PARD3B: variants seen among roughly 807,000 people sequenced by gnomAD.
The protein encoded by PARD3B is par-3 family cell polarity regulator beta, also known as partitioning defective 3 homolog B.
In PARD3B, 103 loss-of-function variants were observed where a neutral mutation model predicts 130.2. The ratio of observed to expected loss-of-function variants is 0.79; its 90% CI spans 0.67 to 0.93. The LOEUF (loss-of-function observed/expected upper bound fraction) is 0.93, where lower values mean the gene tolerates loss of function less well. Among genes scored for constraint, PARD3B ranks in the 40% least tolerant of loss-of-function variants. PARD3B has a pLI of 0.00. For missense variants in PARD3B, 1,609 were observed against 1,499.2 expected (o/e 1.07, Z -1.21); for synonymous variants, 583 against 553.2 (o/e 1.05, Z -0.76).
intron 2 of PARD3B, among the ~76,000 whole-genome samples, chr2:204,946,218 G>T (rs1024311496): frequency 3.9e-5 from 6 of 152,182 alleles, no homozygotes; most frequent in African/African-American, 1.2e-4. Flanking sequence ...TGTATGCTCA[G>T]TTCTTAACAC....
chr2:205,467,432 T>C (rs1413616456), intron 20 of PARD3B, among the ~76,000 whole-genome samples: 2 of 152,250 alleles, frequency 1.3e-5, no homozygotes, highest in Non-Finnish European at 2.9e-5. Flanking sequence ...AGAGCAACTC[T>C]ATCCAATAGA....
chr2:205,017,823 G>A (rs773607420), intron 3 of PARD3B, among the ~76,000 whole-genome samples: 2 of 152,180 alleles, frequency 1.3e-5, no homozygotes, highest in African/African-American at 2.4e-5. Context: ...AGAAAGATAG[G>A]ACCATTGACA....
chr2:204,868,569 G>A (rs72940410), intron 2 of PARD3B, among the ~76,000 whole-genome samples: 22,588 of 152,016 alleles, frequency 0.15, 1,868 homozygotes, highest in South Asian at 0.32. Context: ...GAGGAAGACC[G>A]TGAAACCCGG....
intron 1 of PARD3B, among the ~76,000 whole-genome samples, chr2:204,590,129 G>C (rs1009295810): frequency 2.6e-5 from 4 of 152,136 alleles, no homozygotes; most frequent in South Asian, 4.1e-4. Flanking sequence ...AGATCAAGGT[G>C]GGGGCAGACC....
intron 1 of PARD3B, among the ~76,000 whole-genome samples, chr2:204,602,433 A>G (rs569733488): frequency 6.6e-6 from 1 of 152,042 alleles, no homozygotes; most frequent in South Asian, 2.1e-4. Flanking sequence ...TTTAAAAAAA[A>G]TAAAAACAGT....
intron 18 of PARD3B, among the ~76,000 whole-genome samples, chr2:205,332,255 G>A (rs950270399): frequency 1.3e-5 from 2 of 152,210 alleles, no homozygotes; most frequent in African/African-American, 4.8e-5. Flanking sequence ...ATAGAGAGGT[G>A]TATATGTTGT....
At chr2:204,631,766 C>G (rs1342984719) in intron 1 of PARD3B, among the ~76,000 whole-genome samples, 1 of 152,102 alleles carries the variant, frequency 6.6e-6, no homozygotes, top group African/African-American at 2.4e-5. Flanking sequence ...ATATTTAATG[C>G]TTCCTTCAGG....
intron 2 of PARD3B, among the ~76,000 whole-genome samples, chr2:204,701,025 T>C (rs1391387180): frequency 6.6e-6 from 1 of 152,142 alleles, no homozygotes; most frequent in Non-Finnish European, 1.5e-5. Context: ...ATTTCTTTTG[T>C]ATATGTATTG....
intron 18 of PARD3B, among the ~76,000 whole-genome samples, chr2:205,311,945 C>T (rs1211183766): frequency 6.6e-6 from 1 of 152,108 alleles, no homozygotes; most frequent in Admixed American, 6.5e-5. Context: ...ATGCGTGGCT[C>T]ATAGTTATTT....
At chr2:205,549,025 C>A (rs556927435) in intron 21 of PARD3B, among the ~76,000 whole-genome samples, 7 of 152,122 alleles carry the variant, frequency 4.6e-5, no homozygotes, top group Non-Finnish European at 8.8e-5. Flanking sequence ...AAAAGATGTT[C>A]TACATCACAT....
chr2:204,787,228 A>C (rs1038783164), intron 2 of PARD3B, among the ~76,000 whole-genome samples: 2 of 136,730 alleles, frequency 1.5e-5, no homozygotes, highest in Non-Finnish European at 3.2e-5. Context: ...TTGCTGCCCC[A>C]GGGCTACCTT....
chr2:205,001,209 G>A (rs1029663962), intron 3 of PARD3B, among the ~76,000 whole-genome samples: 1 of 152,030 alleles, frequency 6.6e-6, no homozygotes, highest in Non-Finnish European at 1.5e-5. Context: ...GGCTGGTCTC[G>A]AACTCCTGAC....
At chr2:204,931,366 C>A (rs942951356) in intron 2 of PARD3B, among the ~76,000 whole-genome samples, 2 of 152,012 alleles carry the variant, frequency 1.3e-5, no homozygotes, top group Non-Finnish European at 2.9e-5. Context: ...TAGTGCCTGG[C>A]ATATGAAAAG....
rs370996124 is a variant in PARD3B at position 204,842,528 on chromosome 2, A to G, written c.223-122624A>G. Among the ~76,000 whole-genome samples, 38 of 152,258 alleles carry G rather than the reference A, an allele frequency of 2.5e-4. 1 individual carries two copies. Among genetic ancestry groups the G allele is most frequent in the African/African-American group, 8.9e-4 (37 of 41,532 alleles). ...TAAGAGGATCTGTGCCAGAAAAAGA[A>G]TGGAGAGGGAGATTCTCTCTAATAA... On this transcript the variant is annotated intron_variant, in intron 2 of 22. Transcript: ENST00000406610.
intron 10 of PARD3B, among the ~76,000 whole-genome samples, chr2:205,126,678 G>A (rs1403786690): frequency 8.1e-5 from 12 of 147,580 alleles, no homozygotes; most frequent in African/African-American, 2.8e-4. Flanking sequence ...CCCGGGAAGC[G>A]GAGCTTGCAG....
At chr2:205,602,229 C>A (rs1341036080) in intron 22 of PARD3B, among the ~76,000 whole-genome samples, 1 of 152,114 alleles carries the variant, frequency 6.6e-6, no homozygotes, top group Non-Finnish European at 1.5e-5. Flanking sequence ...ATAAAGCTGA[C>A]TTGATTGTGG....
chr2:205,230,260 C>G lies in PARD3B; in HGVS notation c.2141-15518C>G, dbSNP rs531318368. On this transcript the variant is annotated intron_variant, in intron 15 of 22. Transcript: ENST00000406610. This position sits in a 1 kb window ranked among gnomAD's most constrained non-coding sequence, Gnocchi z 4.1. ...TGGGCCATACCATAAGTTAGCATGT[C>G]TCTGAGTCTCACCCAAGACCCATGG... Among the ~76,000 whole-genome samples, 6 of 152,262 alleles carry G rather than the reference C, an allele frequency of 3.9e-5. No individual in the cohort carries two copies. Among genetic ancestry groups the G allele is most frequent in the African/African-American group, 1.4e-4 (6 of 41,548 alleles).
chr2:205,464,872 G>GACA (rs2048568366), intron 20 of PARD3B, among the ~76,000 whole-genome samples: 1 of 152,022 alleles, frequency 6.6e-6, no homozygotes, highest in Admixed American at 6.6e-5. Context: ...ACCCTTCTTT[G>GACA]GGTTAGTGGA....
At chr2:205,108,330 C>G (rs994703326) in intron 5 of PARD3B, among the ~76,000 whole-genome samples, 6 of 152,140 alleles carry the variant, frequency 3.9e-5, no homozygotes, top group African/African-American at 9.7e-5. Context: ...ATTCTAGAAC[C>G]TGTAGTGACT....
Sources: gnomAD v4.1 joint callset for allele counts (sites outside exome capture counted in the v4.1 genomes callset) on GRCh38, gnomAD v4.1.1 for gene constraint, Gnocchi (gnomAD v3.1) non-coding constraint, MANE v1.5 for transcripts, NCBI Gene and HGNC (gene_info 2026-07-23, HGNC 2026-07-21) for gene names.